Variants in TG observed in about 807,000 individuals in gnomAD.
The protein encoded by TG is thyroglobulin.
In TG, 270 loss-of-function variants were observed where a neutral mutation model predicts 324.7. That is an observed-to-expected ratio of 0.83 (90% confidence interval 0.75 to 0.92). The LOEUF (loss-of-function observed/expected upper bound fraction) is 0.92, where lower values mean the gene tolerates loss of function less well. Ranked by LOEUF, TG falls within the 40% of genes least tolerant of loss-of-function variation. The pLI is 0.00. For synonymous variants in TG, 1,401 were observed against 1,327.0 expected, an observed-to-expected ratio of 1.06 and a Z score of -1.21; for missense variants, 3,591 against 3,456.4, an observed-to-expected ratio of 1.04 and a Z score of -0.98.
chr8:132,927,338 G>T (rs1822023103), intron 22 of TG, among the ~76,000 whole-genome samples: 1 of 151,722 alleles, frequency 6.6e-6, no homozygotes, highest in African/African-American at 2.4e-5. Flanking sequence ...CCTGGCTAGT[G>T]AGGGTTCAAA....
At chr8:133,038,315 T>C (rs902593580) in intron 41 of TG, 1 of 590,744 alleles carries the variant, frequency 1.7e-6, no homozygotes, top group African/African-American at 1.9e-5. Flanking sequence ...TGTTTCGTGA[T>C]GCCACAGCCC....
At chr8:132,915,208 C>T (rs1820119563) in intron 20 of TG, among the ~76,000 whole-genome samples, 1 of 152,166 alleles carries the variant, frequency 6.6e-6, no homozygotes, top group South Asian at 2.1e-4. Context: ...CCCCAGGAGG[C>T]TCCTTGGCCT....
At chr8:133,082,245 T>G (rs1341056547) in intron 41 of TG, among the ~76,000 whole-genome samples, 1 of 152,158 alleles carries the variant, frequency 6.6e-6, no homozygotes, top group Non-Finnish European at 1.5e-5. Context: ...TTTCAAAAAC[T>G]GTAAGTTCCA....
intron 27 of TG, 120 bp downstream of exon 27, chr8:132,949,063 A>AG: frequency 1.1e-6 from 1 of 942,044 alleles, no homozygotes; most frequent in East Asian, 2.5e-5. Context: ...TGAAAAAAAA[A>AG]AAAAAACTTT....
intron 35 of TG, among the ~76,000 whole-genome samples, chr8:132,993,646 G>A (rs1167896276): frequency 1.3e-5 from 2 of 152,162 alleles, no homozygotes; most frequent in African/African-American, 4.8e-5. Context: ...TACATAGTGA[G>A]CCTGGGAGGC....
At chr8:132,963,905 G>A (rs775572829) in intron 29 of TG, among the ~76,000 whole-genome samples, 21 of 152,136 alleles carry the variant, frequency 1.4e-4, no homozygotes, top group African/African-American at 3.9e-4. Flanking sequence ...CTTAGTGCAC[G>A]GCCATGGGTA....
At chr8:133,110,842 C>T (rs1222008952) in intron 43 of TG, among the ~76,000 whole-genome samples, 4 of 152,202 alleles carry the variant, frequency 2.6e-5, no homozygotes, top group Admixed American at 6.5e-5. Context: ...GCCATTGCAC[C>T]TTGCACTGAG....
chr8:132,936,915 A>G (rs2129786494), intron 25 of TG, among the ~76,000 whole-genome samples: 1 of 150,740 alleles, frequency 6.6e-6, no homozygotes, highest in East Asian at 1.9e-4. Context: ...CTCCTCTGCC[A>G]CATATGAGCT....
intron 26 of TG, among the ~76,000 whole-genome samples, chr8:132,946,613 C>A (rs1825341155): frequency 6.6e-6 from 1 of 152,156 alleles, no homozygotes; most frequent in Admixed American, 6.5e-5. Context: ...TTTCCTTTCT[C>A]CCCTCCCAAC....
At chr8:133,053,596 A>G (rs1365206267) in intron 41 of TG, among the ~76,000 whole-genome samples, 2 of 152,160 alleles carry the variant, frequency 1.3e-5, no homozygotes, top group South Asian at 4.1e-4. Flanking sequence ...ACAATAATAG[A>G]ACCTTGAGGT....
At chr8:132,919,662 T>C (rs1820849129) in intron 21 of TG, 137 bp downstream of exon 21, 2 of 1,212,068 alleles carry the variant, frequency 1.7e-6, no homozygotes, top group African/African-American at 3.0e-5. Context: ...CTTGGTAGGA[T>C]ATTTAGTAGC....
chr8:132,924,599 AG>A (rs1821565785), intron 22 of TG, among the ~76,000 whole-genome samples: 1 of 152,226 alleles, frequency 6.6e-6, no homozygotes, highest in Non-Finnish European at 1.5e-5. Context: ...GGAAAGTCCC[AG>A]GTAAACCATC....
At chr8:132,906,962 G>A in intron 17 of TG, 62 bp downstream of exon 17, 7 of 1,516,220 alleles carry the variant, frequency 4.6e-6, no homozygotes, top group South Asian at 3.6e-5. Context: ...GGCTGGGACC[G>A]AGATATGGAG....
At chr8:133,104,651 TCA>T (rs1289062214) in intron 43 of TG, among the ~76,000 whole-genome samples, 1 of 152,088 alleles carries the variant, frequency 6.6e-6, no homozygotes, top group Admixed American at 6.5e-5. Flanking sequence ...AAGTCAAATG[TCA>T]CAGAGTCAAG....
chr8:133,061,680 C>T (rs1842388164), intron 41 of TG, among the ~76,000 whole-genome samples: 1 of 152,192 alleles, frequency 6.6e-6, no homozygotes. Flanking sequence ...CAAATGGAAA[C>T]TAATCTCCCA....
intron 27 of TG, among the ~76,000 whole-genome samples, chr8:132,957,809 C>T (rs1003000907): frequency 3.8e-5 from 5 of 131,992 alleles, no homozygotes; most frequent in East Asian, 5.7e-4. Flanking sequence ...TTTTTCCATA[C>T]GTTACTGGGG....
At chr8:132,946,063 CACACACACA>C (rs565643723) in intron 26 of TG, among the ~76,000 whole-genome samples, 5,405 of 151,452 alleles carry the variant, frequency 0.036, 303 homozygotes, top group African/African-American at 0.12. Context: ...CACACACACA[CACACACACA>C]CCCTATATTT....
intron 43 of TG, among the ~76,000 whole-genome samples, chr8:133,109,945 A>G (rs1588120962): frequency 6.6e-6 from 1 of 152,104 alleles, no homozygotes; most frequent in Non-Finnish European, 1.5e-5. Context: ...TGACCCCCTC[A>G]TGTTATGTAT....
At chr8:132,879,750 G>C (rs1814385286) in intron 5 of TG, among the ~76,000 whole-genome samples, 1 of 152,118 alleles carries the variant, frequency 6.6e-6, no homozygotes. Context: ...GCGGGAAGCA[G>C]GAATATCAAG....
Sources: allele counts gnomAD v4.1 joint callset (sites outside exome capture counted in the v4.1 genomes callset), GRCh38; gene constraint gnomAD v4.1.1; transcripts MANE v1.5; gene names NCBI Gene and HGNC (gene_info 2026-07-23, HGNC 2026-07-21).